The following RBFOX1 variants were observed in gnomAD, a reference collection of about 807,000 sequenced individuals.
The protein encoded by RBFOX1 is RNA binding fox-1 homolog 1.
In RBFOX1, 8 loss-of-function variants were observed where a neutral mutation model predicts 57.7. The observed-to-expected ratio is 0.14, with a 90% CI of 0.08 to 0.25. The LOEUF (loss-of-function observed/expected upper bound fraction) is 0.25. Among genes scored for constraint, RBFOX1 ranks in the 10% least tolerant of loss-of-function variants. The probability of loss-of-function intolerance (pLI) is 1.00; values close to 1 mark genes in which losing one functional copy is unlikely to be tolerated. For synonymous variants in RBFOX1, 326 were observed against 222.4 expected (o/e 1.47, Z -4.15); for missense variants, 611 against 548.5 (o/e 1.11, Z -1.14).
intron 5 of RBFOX1, among the ~76,000 whole-genome samples, chr16:7,551,503 G>C (rs1158486124): frequency 6.6e-6 from 1 of 152,200 alleles, no homozygotes; most frequent in Non-Finnish European, 1.5e-5. Context: ...GATCCAGTCA[G>C]CCAATAGCTC....
At chr16:5,748,197 C>G (rs962803014) in intron 3 of RBFOX1, among the ~76,000 whole-genome samples, 2 of 152,088 alleles carry the variant, frequency 1.3e-5, no homozygotes, top group Non-Finnish European at 2.9e-5. Context: ...GAGTGAGTTT[C>G]TTAATCCTGA....
chr16:7,347,547 C>G (rs1023163145), intron 4 of RBFOX1, among the ~76,000 whole-genome samples: 1 of 152,066 alleles, frequency 6.6e-6, no homozygotes, highest in Non-Finnish European at 1.5e-5. Context: ...GGTGAGGACA[C>G]AGCCAAACGA....
At chr16:5,525,515 T>TTTTTTTTA (rs2044208921) in intron 2 of RBFOX1, among the ~76,000 whole-genome samples, 2 of 121,104 alleles carry the variant, frequency 1.7e-5, no homozygotes, top group African/African-American at 3.3e-5. Context: ...TTTTTTTTTT[T>TTTTTTTTA]GAGACAGAGT....
chr16:7,117,979 T>C (rs547101230), intron 4 of RBFOX1, among the ~76,000 whole-genome samples: 1 of 152,222 alleles, frequency 6.6e-6, no homozygotes, highest in African/African-American at 2.4e-5. Context: ...TATAATCTTA[T>C]GCAATCACTT....
intron 3 of RBFOX1, among the ~76,000 whole-genome samples, chr16:6,962,968 G>C (rs981135834): frequency 6.6e-5 from 10 of 152,138 alleles, no homozygotes. Flanking sequence ...TCAGCAGTTT[G>C]CATGGCAAAG....
chr16:7,570,108 T>G (rs1335788672), intron 5 of RBFOX1, among the ~76,000 whole-genome samples: 1 of 151,676 alleles, frequency 6.6e-6, no homozygotes, highest in Non-Finnish European at 1.5e-5. Context: ...CATGATAGCA[T>G]GTTGAAATAA....
At chr16:5,487,336 C>G (rs545673903) in intron 2 of RBFOX1, among the ~76,000 whole-genome samples, 4 of 152,264 alleles carry the variant, frequency 2.6e-5, no homozygotes, top group South Asian at 2.1e-4. Flanking sequence ...ATGCCTTCTT[C>G]TTTTTCAATG....
intron 4 of RBFOX1, among the ~76,000 whole-genome samples, chr16:7,446,473 G>A (rs1427495552): frequency 1.3e-5 from 2 of 152,172 alleles, no homozygotes; most frequent in Non-Finnish European, 2.9e-5. Flanking sequence ...GCTCACATTT[G>A]CCTGCCGCTG....
At position 7,431,540 on chromosome 16, in the gene RBFOX1, G is replaced by A. The variant is rs2098680296; in HGVS notation, c.28-86607G>A. Among the ~76,000 whole-genome samples, 3 of 152,126 alleles carry A rather than the reference G, an allele frequency of 2.0e-5. No homozygotes were observed. In the South Asian group the frequency reaches 6.2e-4, roughly 31 times the overall value. On this transcript the variant is annotated intron_variant, in intron 4 of 15. Coordinates refer to ENST00000550418, the MANE Select transcript of RBFOX1 (RefSeq NM_018723.4). ...TGGGCGTGAGCCACCGCGCCACTGTGCCCGGCTTAATATGTCTTTTATTTT... is the reference window on the plus strand; with the variant it reads ...TGGGCGTGAGCCACCGCGCCACTGTACCCGGCTTAATATGTCTTTTATTTT...
intron 5 of RBFOX1, among the ~76,000 whole-genome samples, chr16:7,561,421 T>A (rs1430747438): frequency 6.6e-6 from 1 of 152,210 alleles, no homozygotes; most frequent in Non-Finnish European, 1.5e-5. Context: ...TCTTAGCATT[T>A]CCATTTCCGA....
intron 4 of RBFOX1, among the ~76,000 whole-genome samples, chr16:7,187,471 C>T (rs1168991146): frequency 6.6e-6 from 1 of 151,450 alleles, no homozygotes; most frequent in East Asian, 2.0e-4. Flanking sequence ...GGGCTAATCA[C>T]GAGATCAGGA....
At chr16:7,459,804 A>G (rs2059211098) in intron 4 of RBFOX1, among the ~76,000 whole-genome samples, 2 of 152,158 alleles carry the variant, frequency 1.3e-5, no homozygotes. Context: ...ATTCTGGTCC[A>G]TCTTCTTTTA....
At chr16:5,381,403 C>T (rs192009527) in intron 1 of RBFOX1, among the ~76,000 whole-genome samples, 3 of 152,326 alleles carry the variant, frequency 2.0e-5, no homozygotes, top group Non-Finnish European at 4.4e-5. Context: ...AAAACCCTAA[C>T]AGGCACATAA....
chr16:5,850,430 A>C (rs1422536135), intron 3 of RBFOX1, among the ~76,000 whole-genome samples: 1 of 152,200 alleles, frequency 6.6e-6, no homozygotes, highest in Non-Finnish European at 1.5e-5. Context: ...AGAAGAAATA[A>C]AATATTAAGC....
At chr16:7,269,352 A>G (rs1306128632) in intron 4 of RBFOX1, among the ~76,000 whole-genome samples, 1 of 152,162 alleles carries the variant, frequency 6.6e-6, no homozygotes, top group Non-Finnish European at 1.5e-5. Flanking sequence ...AACACATACA[A>G]AAGCAAAAAT....
chr16:6,867,744 C>T (rs543059690), intron 3 of RBFOX1, among the ~76,000 whole-genome samples: 1 of 152,222 alleles, frequency 6.6e-6, no homozygotes, highest in Admixed American at 6.5e-5. Flanking sequence ...AGATATTTAT[C>T]AGTTAATGTG....
At chr16:7,336,891 C>T (rs189915440) in intron 4 of RBFOX1, among the ~76,000 whole-genome samples, 1 of 152,146 alleles carries the variant, frequency 6.6e-6, no homozygotes, top group Non-Finnish European at 1.5e-5. Flanking sequence ...TATAGACTTT[C>T]TTTATCCCAG....
At chr16:6,605,029 T>C (rs1489394767) in intron 2 of RBFOX1, among the ~76,000 whole-genome samples, 1 of 151,986 alleles carries the variant, frequency 6.6e-6, no homozygotes, top group Non-Finnish European at 1.5e-5. Context: ...TGTGTGCATA[T>C]ATATAAAAAT....
intron 4 of RBFOX1, among the ~76,000 whole-genome samples, chr16:7,234,697 A>ATATT (rs1209757988): frequency 1.3e-5 from 2 of 148,408 alleles, no homozygotes; most frequent in East Asian, 3.9e-4. Flanking sequence ...ATGTATATAT[A>ATATT]TATGTTATAT....
Sources: allele counts gnomAD v4.1 joint callset (sites outside exome capture counted in the v4.1 genomes callset), GRCh38; gene constraint gnomAD v4.1.1; transcripts MANE v1.5; gene names NCBI Gene and HGNC (gene_info 2026-07-23, HGNC 2026-07-21).